Variants in SYNDIG1L observed in about 807,000 individuals in gnomAD.
SYNDIG1L encodes synapse differentiation inducing 1 like.
In SYNDIG1L, 13 loss-of-function variants were observed where a neutral mutation model predicts 20.1. That is an observed-to-expected ratio of 0.65 (90% CI 0.42 to 1.03). The LOEUF is 1.03. Ranked by LOEUF, SYNDIG1L falls within the 50% of genes least tolerant of loss-of-function variation. The pLI is 0.00. For synonymous variants in SYNDIG1L, 128 were observed against 129.3 expected (o/e 0.99, Z 0.07); for missense variants, 294 against 305.1 (o/e 0.96, Z 0.27).
At chr14:74,429,271 G>T (rs1166402365), upstream of SYNDIG1L, among the ~76,000 whole-genome samples, 2 of 152,178 alleles carry the variant, frequency 1.3e-5, no homozygotes, top group Non-Finnish European at 2.9e-5. Flanking sequence ...AAACCTGGGA[G>T]GGGATGCCCT....
the SYNDIG1L span, chr14:74,479,743 T>C: frequency 1.6e-5 from 3 of 188,154 alleles, no homozygotes; most frequent in Non-Finnish European, 3.4e-5. Flanking sequence ...CTTGGTGGTA[T>C]AAGATTGTGT....
intron 1 of SYNDIG1L, among the ~76,000 whole-genome samples, chr14:74,420,282 G>C (rs770844805): frequency 2.0e-5 from 3 of 151,418 alleles, no homozygotes; most frequent in Non-Finnish European, 4.4e-5. Context: ...TGTAATCCCA[G>C]CTACTTGGGA....
chr14:74,451,478 T>C, the SYNDIG1L span, among the ~76,000 whole-genome samples: 1 of 152,144 alleles, frequency 6.6e-6, no homozygotes, highest in Non-Finnish European at 1.5e-5. Context: ...TTGTAGAAGA[T>C]GACATTGGAA....
At chr14:74,429,138 A>G (rs1289430172), upstream of SYNDIG1L, among the ~76,000 whole-genome samples, 1 of 152,224 alleles carries the variant, frequency 6.6e-6, no homozygotes, top group Non-Finnish European at 1.5e-5. Flanking sequence ...GGAAAGGCCC[A>G]GACTTGGGCC....
At chr14:74,458,455 T>TA in the SYNDIG1L span, among the ~76,000 whole-genome samples, 64,139 of 149,826 alleles carry the variant, frequency 0.43, 13,715 homozygotes, top group Non-Finnish European at 0.45. Context: ...CTGTGTCTAC[T>TA]AAAAAAAAAT....
the SYNDIG1L span, among the ~76,000 whole-genome samples, chr14:74,458,844 G>A: frequency 3.3e-5 from 5 of 152,116 alleles, no homozygotes; most frequent in Non-Finnish European, 7.4e-5. Context: ...AGGAGACCAA[G>A]CCCTGGGTCT....
At chr14:74,465,436 G>A in the SYNDIG1L span, among the ~76,000 whole-genome samples, 2 of 152,166 alleles carry the variant, frequency 1.3e-5, no homozygotes, top group Non-Finnish European at 2.9e-5. Context: ...TGCCTGGAGA[G>A]TGGAGAGCTC....
the SYNDIG1L span, among the ~76,000 whole-genome samples, chr14:74,462,796 T>C: frequency 4.6e-5 from 7 of 152,188 alleles, no homozygotes; most frequent in Admixed American, 4.6e-4. Context: ...ATTACAGGTA[T>C]GAGCCATTAT....
chr14:74,447,920 G>A, the SYNDIG1L span, among the ~76,000 whole-genome samples: 6 of 152,112 alleles, frequency 3.9e-5, no homozygotes, highest in African/African-American at 1.4e-4. Flanking sequence ...TCTATGTAAA[G>A]TGGTAAAATA....
At chr14:74,417,342 G>C (rs756769554) in intron 1 of SYNDIG1L, among the ~76,000 whole-genome samples, 20 of 152,226 alleles carry the variant, frequency 1.3e-4, no homozygotes, top group Non-Finnish European at 2.6e-4. Flanking sequence ...GAGGGTTGCT[G>C]TGTGCACTGC....
At chr14:74,410,101 G>A (rs1223319793) in intron 1 of SYNDIG1L, among the ~76,000 whole-genome samples, 2 of 152,232 alleles carry the variant, frequency 1.3e-5, no homozygotes, top group African/African-American at 2.4e-5. Flanking sequence ...GGGTACCATG[G>A]TGAGAAAGAT....
At chr14:74,476,497 C>T in the SYNDIG1L span, 4 of 1,534,212 alleles carry the variant, frequency 2.6e-6, no homozygotes, top group South Asian at 1.2e-5. Context: ...CACGTCTGCT[C>T]CAGAATCTCA....
chr14:74,469,888 G>A, the SYNDIG1L span, among the ~76,000 whole-genome samples: 1 of 152,122 alleles, frequency 6.6e-6, no homozygotes, highest in South Asian at 2.1e-4. Context: ...CTCTCTGCCA[G>A]CAATTAATTT....
the SYNDIG1L span, among the ~76,000 whole-genome samples, chr14:74,458,363 C>A: frequency 7.2e-5 from 11 of 151,726 alleles, no homozygotes; most frequent in South Asian, 2.1e-4. Flanking sequence ...TGGCGGGTAA[C>A]CTCAGCACTT....
the SYNDIG1L span, among the ~76,000 whole-genome samples, chr14:74,453,791 AAAAACAAAAC>A: frequency 6.6e-6 from 1 of 152,080 alleles, no homozygotes; most frequent in Non-Finnish European, 1.5e-5. Context: ...CGTCTCTACA[AAAAACAAAAC>A]AAAACAAAAG....
At chr14:74,476,716 G>A in the SYNDIG1L span, 12 of 671,916 alleles carry the variant, frequency 1.8e-5, no homozygotes, top group South Asian at 1.1e-4. Flanking sequence ...CCATCTCCTG[G>A]TCTCCACCCT....
At chr14:74,446,518 CGTT>C in the SYNDIG1L span, among the ~76,000 whole-genome samples, 3 of 151,914 alleles carry the variant, frequency 2.0e-5, no homozygotes, top group East Asian at 5.8e-4. Context: ...TTAATCCACA[CGTT>C]GTTTATTGCT....
chr14:74,480,030 A>T, the SYNDIG1L span: 6 of 1,475,020 alleles, frequency 4.1e-6, no homozygotes, highest in African/African-American at 8.5e-5. Context: ...TTAAAAAAAA[A>T]ATTAAACATC....
intron 1 of SYNDIG1L, among the ~76,000 whole-genome samples, chr14:74,417,213 C>T (rs2086184060): frequency 6.6e-6 from 1 of 152,198 alleles, no homozygotes; most frequent in Non-Finnish European, 1.5e-5. Flanking sequence ...AGAATGCATG[C>T]TTTTAGCCAC....
Sources: gnomAD v4.1 joint callset for allele counts (sites outside exome capture counted in the v4.1 genomes callset) on GRCh38, gnomAD v4.1.1 for gene constraint, MANE v1.5 for transcripts, NCBI Gene and HGNC (gene_info 2026-07-23, HGNC 2026-07-21) for gene names.